Variants in ZBTB20 observed in about 807,000 individuals in gnomAD.
ZBTB20 encodes the protein zinc finger and BTB domain containing 20, also known as zinc finger and BTB domain-containing protein 20.
ZBTB20 carries 9 observed loss-of-function variants against 56.9 expected under a neutral mutation model. The observed-to-expected ratio is 0.16, with a 90% CI of 0.10 to 0.28. The LOEUF (loss-of-function observed/expected upper bound fraction) is 0.28. Among genes scored for constraint, ZBTB20 ranks in the 10% least tolerant of loss-of-function variants. ZBTB20 has a pLI of 1.00. For missense variants in ZBTB20, 655 were observed against 1,003.0 expected (o/e 0.65, Z 4.69); for synonymous variants, 417 against 420.7 (o/e 0.99, Z 0.11).
chr3:114,759,621 C>A (rs2068287921), intron 5 of ZBTB20, among the ~76,000 whole-genome samples: 1 of 152,038 alleles, frequency 6.6e-6, no homozygotes, highest in Non-Finnish European at 1.5e-5. Context: ...TCTGGAAACA[C>A]AGAAGTATGA....
intron 4 of ZBTB20, among the ~76,000 whole-genome samples, chr3:114,875,225 G>A (rs1285594296): frequency 1.3e-5 from 2 of 152,020 alleles, no homozygotes; most frequent in Non-Finnish European, 2.9e-5. Context: ...TTAGCACTTT[G>A]CATAATTAAA....
At chr3:114,409,835 GGACC>G (rs2087755130) in intron 7 of ZBTB20, among the ~76,000 whole-genome samples, 1 of 152,072 alleles carries the variant, frequency 6.6e-6, no homozygotes, top group African/African-American at 2.4e-5. Context: ...TACTGAAAGA[GGACC>G]TAGTTGTTTA....
chr3:114,849,810 CT>C (rs1357343386), intron 4 of ZBTB20, among the ~76,000 whole-genome samples: 1 of 151,760 alleles, frequency 6.6e-6, no homozygotes, highest in African/African-American at 2.4e-5. Context: ...AAGTTAACCC[CT>C]GGTTTAATTT....
chr3:114,906,294 G>A (rs1208857458), intron 3 of ZBTB20, among the ~76,000 whole-genome samples: 1 of 151,780 alleles, frequency 6.6e-6, no homozygotes, highest in African/African-American at 2.4e-5. Context: ...GTTTTCATTT[G>A]AACTCTGTGG....
At chr3:114,850,381 G>A (rs1268858327) in intron 4 of ZBTB20, among the ~76,000 whole-genome samples, 1 of 152,178 alleles carries the variant, frequency 6.6e-6, no homozygotes, top group African/African-American at 2.4e-5. Flanking sequence ...GAGATAGGTG[G>A]TGTGTTCATC....
At chr3:114,519,184 A>G (rs2046365818) in intron 6 of ZBTB20, 1 of 152,202 alleles carries the variant, frequency 6.6e-6, no homozygotes, top group Non-Finnish European at 1.5e-5. Flanking sequence ...TGGGTCAACA[A>G]TGCAATTGCT....
chr3:114,895,721 A>C (rs892458205), intron 4 of ZBTB20, among the ~76,000 whole-genome samples: 1 of 152,148 alleles, frequency 6.6e-6, no homozygotes, highest in Non-Finnish European at 1.5e-5. Flanking sequence ...TAATACACAG[A>C]GACTACTATG....
intron 6 of ZBTB20, among the ~76,000 whole-genome samples, chr3:114,680,609 C>CT (rs1323216471): frequency 6.6e-6 from 1 of 152,210 alleles, no homozygotes; most frequent in Non-Finnish European, 1.5e-5. Context: ...TCATTCACTC[C>CT]TGCATGTTTC....
intron 4 of ZBTB20, among the ~76,000 whole-genome samples, chr3:114,846,505 T>G (rs1296037984): frequency 6.6e-6 from 1 of 152,108 alleles, no homozygotes; most frequent in Non-Finnish European, 1.5e-5. Flanking sequence ...GACCTGCTAG[T>G]TAGGAGGAGG....
chr3:114,602,998 A>G (rs1221520238), intron 6 of ZBTB20, among the ~76,000 whole-genome samples: 1 of 152,006 alleles, frequency 6.6e-6, no homozygotes, highest in African/African-American at 2.4e-5. Context: ...AGGGCCATCT[A>G]TATTCTATGC....
At chr3:114,550,753 AGTTT>A (rs1327781405) in intron 6 of ZBTB20, among the ~76,000 whole-genome samples, 1 of 151,980 alleles carries the variant, frequency 6.6e-6, no homozygotes, top group Non-Finnish European at 1.5e-5. Context: ...CCCAAGATAT[AGTTT>A]GTTTGTTTTT....
intron 2 of ZBTB20, among the ~76,000 whole-genome samples, chr3:114,998,586 G>A (rs1238354865): frequency 6.6e-6 from 1 of 151,690 alleles, no homozygotes; most frequent in Non-Finnish European, 1.5e-5. Flanking sequence ...ATGTAGAATA[G>A]AATAGTGACT....
intron 4 of ZBTB20, among the ~76,000 whole-genome samples, chr3:114,884,332 A>G (rs1239012555): frequency 2.0e-5 from 3 of 152,206 alleles, no homozygotes; most frequent in African/African-American, 7.2e-5. Flanking sequence ...GAAAAAAGTT[A>G]GATTCTCACA....
intron 7 of ZBTB20, among the ~76,000 whole-genome samples, chr3:114,496,036 C>T (rs551080386): frequency 6.6e-6 from 1 of 151,764 alleles, no homozygotes; most frequent in Non-Finnish European, 1.5e-5. Context: ...TTTTCCTATC[C>T]TCTGGGACAT....
At chr3:115,014,680 C>T (rs747658277) in intron 2 of ZBTB20, among the ~76,000 whole-genome samples, 5 of 151,632 alleles carry the variant, frequency 3.3e-5, no homozygotes, top group Non-Finnish European at 7.4e-5. Flanking sequence ...AAAAAGTGCT[C>T]TTATGGATCT....
chr3:115,010,276 T>C lies in ZBTB20; in HGVS notation c.-506-35860A>G, dbSNP rs147221427. On this transcript the variant is annotated intron_variant, in intron 2 of 11. Coordinates refer to ENST00000675478, the MANE Select transcript of ZBTB20 (RefSeq NM_001348800.3). ...TAGAATCTCAGGCATTGAGCAAATA[T>C]AGGCAGTAGCCAGGGAGCAGTTACA... 1.6e-3 allele frequency among the ~76,000 whole-genome samples: 249 copies of C among 152,042 alleles called. 5 individuals carry two copies. In the East Asian group the frequency reaches 0.04, roughly 25 times the overall value.
chr3:114,990,254 C>T (rs2078742664), intron 2 of ZBTB20, among the ~76,000 whole-genome samples: 1 of 152,054 alleles, frequency 6.6e-6, no homozygotes, highest in African/African-American at 2.4e-5. Context: ...ATAAATAGCT[C>T]TCATTATTTT....
At chr3:114,915,133 G>T (rs2075694564) in intron 3 of ZBTB20, among the ~76,000 whole-genome samples, 1 of 151,702 alleles carries the variant, frequency 6.6e-6, no homozygotes, top group Non-Finnish European at 1.5e-5. Flanking sequence ...TTTCAGAATA[G>T]TTTGAGTAGA....
intron 7 of ZBTB20, among the ~76,000 whole-genome samples, chr3:114,472,261 G>A (rs969562128): frequency 4.6e-5 from 7 of 152,226 alleles, no homozygotes; most frequent in African/African-American, 9.6e-5. Context: ...AAAATGGGAC[G>A]TCAAAATTTT....
Sources: gnomAD v4.1 joint callset for allele counts (sites outside exome capture counted in the v4.1 genomes callset) on GRCh38, gnomAD v4.1.1 for gene constraint, MANE v1.5 for transcripts, NCBI Gene and HGNC (gene_info 2026-07-23, HGNC 2026-07-21) for gene names.